The following AATK variants were observed in gnomAD, a reference collection of about 807,000 sequenced individuals.
The protein encoded by AATK is serine/threonine-protein kinase LMTK1.
A neutral mutation model predicts 114.3 loss-of-function variants in AATK; 91 were observed. The observed-to-expected ratio is 0.80, with a 90% CI of 0.67 to 0.95. The LOEUF (loss-of-function observed/expected upper bound fraction) is 0.95, where lower values mean the gene tolerates loss of function less well. Among genes scored for constraint, AATK ranks in the 40% least tolerant of loss-of-function variants. AATK has a pLI of 0.00. For missense variants in AATK, 2,176 were observed against 1,965.2 expected (o/e 1.11, Z -2.03); for synonymous variants, 1,075 against 916.5 (o/e 1.17, Z -3.12).
At chr17:81,156,513 T>C (rs2061369170) in intron 1 of AATK, among the ~76,000 whole-genome samples, 1 of 152,196 alleles carries the variant, frequency 6.6e-6, no homozygotes, top group African/African-American at 2.4e-5. Flanking sequence ...TTCTCCTGCC[T>C]CAGCCTCCCG....
intron 1 of AATK, among the ~76,000 whole-genome samples, chr17:81,165,262 G>T (rs1394983657): frequency 6.6e-6 from 1 of 152,212 alleles, no homozygotes; most frequent in African/African-American, 2.4e-5. Flanking sequence ...CCACAGCCAG[G>T]AGGCCAGGCA....
intron 13 of AATK, among the ~76,000 whole-genome samples, chr17:81,119,105 G>A (rs1164190500): frequency 6.6e-6 from 1 of 152,072 alleles, no homozygotes; most frequent in African/African-American, 2.4e-5. Context: ...GTAGGGTCAG[G>A]CAGAGGAGAG....
At chr17:81,123,718 AG>A (rs1483355343) in intron 9 of AATK, among the ~76,000 whole-genome samples, 1 of 30,198 alleles carries the variant, frequency 3.3e-5, no homozygotes, top group Admixed American at 4.3e-4. Context: ...CCGCACCAGC[AG>A]GGGGCTGAGG....
chr17:81,159,575 C>T (rs1045093012), intron 1 of AATK, among the ~76,000 whole-genome samples: 11 of 152,156 alleles, frequency 7.2e-5, no homozygotes, highest in Non-Finnish European at 1.0e-4. Context: ...CAAGCCCCAC[C>T]GGCTGCAGAA....
At chr17:81,148,064 C>CAAAAAAAAAA (rs35731140) in intron 1 of AATK, among the ~76,000 whole-genome samples, 19 of 101,814 alleles carry the variant, frequency 1.9e-4, no homozygotes, top group South Asian at 3.8e-4. Context: ...ACAACTTTGT[C>CAAAAAAAAAA]AAAAAAAAAA....
intron 1 of AATK, among the ~76,000 whole-genome samples, chr17:81,156,035 T>C (rs760772817): frequency 5.3e-5 from 8 of 152,210 alleles, no homozygotes; most frequent in Non-Finnish European, 1.2e-4. Flanking sequence ...CCTGAGGGTT[T>C]CCGCAACAAT....
At position 81,144,600 on chromosome 17, in the gene AATK, C is replaced by T. The variant is rs529506491; in HGVS notation, c.56-10099G>A. Among the ~76,000 whole-genome samples the T allele has an allele frequency of 2.6e-5, 4 of 152,374 alleles. No homozygotes were observed. The East Asian group carries it at 5.8e-4, about 22-fold the overall frequency. Reference sequence around the variant, plus strand: ...CCACCCACTCTCAGTGCCGCACCCCCGGCCATTCACATTTCCAGCGTGGGA... The same window carrying T: ...CCACCCACTCTCAGTGCCGCACCCCTGGCCATTCACATTTCCAGCGTGGGA... On this transcript the variant is annotated intron_variant, in intron 1 of 13. Transcript: ENST00000326724.
intron 10 of AATK, 103 bp downstream of exon 10, chr17:81,123,091 G>A: frequency 3.1e-6 from 4 of 1,282,394 alleles, no homozygotes; most frequent in East Asian, 6.1e-5. Context: ...GGGAGACCAG[G>A]CAGGGCTGGA....
intron 1 of AATK, chr17:81,160,142 G>GTCCC (rs2061413046): frequency 1.7e-6 from 1 of 573,306 alleles, no homozygotes; most frequent in Admixed American, 6.3e-5. Flanking sequence ...CGCTGGCAGG[G>GTCCC]TCCCTGCAGG....
At chr17:81,150,690 C>T (rs1049876617) in intron 1 of AATK, among the ~76,000 whole-genome samples, 3 of 152,180 alleles carry the variant, frequency 2.0e-5, no homozygotes, top group Non-Finnish European at 2.9e-5. Flanking sequence ...TGGAAAGGTG[C>T]GGCACAAGGG....
Position 81,166,058 on chromosome 17 carries a change from C to A in AATK, c.-66G>T. 1 of 1,173,438 alleles carries A rather than the reference C, an allele frequency of 8.5e-7. No individual in the cohort carries two copies. Among genetic ancestry groups the A allele is most frequent in the South Asian group, 2.9e-5 (1 of 34,494 alleles). The allele number at this position is 1,173,438 out of a possible 1,614,324, so 72.7% of individuals were successfully genotyped here. On this transcript the variant is annotated 5_prime_UTR_variant, in exon 1 of 14. Coordinates refer to ENST00000326724, the MANE Select transcript of AATK (RefSeq NM_001080395.3). ...CGCTCAGGACGCCCGCGGCCCCGGCCCGAGCCGCCGCATCACCCAGCGGCC... is the reference window on the plus strand; with the variant it reads ...CGCTCAGGACGCCCGCGGCCCCGGCACGAGCCGCCGCATCACCCAGCGGCC...
In AATK at chr17:81,120,300, C is replaced by G. The variant is rs1387690021; in HGVS notation, c.3636G>C (p.Lys1212Asn). Residue 1212 changes from lysine (K) to asparagine (N), a missense_variant, in exon 11 of 14, where the codon AAG becomes AAC. Lys to Asn is a moderately conservative substitution (Grantham distance 94). Around this residue, in one of 4 missense-constraint regions of AATK, gnomAD observed 1,701 missense variants for 1,394.7 expected, o/e 1.22. Transcript: ENST00000326724. ...AGGTCTCGGACAGCAGGCTGGGCAT[C>G]TTGAGCAGGCTGCGCAGGTTGCGCG... ...QSARNLRSLL[K>N]MPSLLSETFC... 2 of 1,610,074 alleles carry G rather than the reference C, an allele frequency of 1.2e-6. No homozygotes were observed. The highest frequency in any genetic ancestry group is 1.7e-5 in the Admixed American group (1 of 59,996).
rs2061488363 is a variant in AATK, at chr17:81,166,136, C to T, written c.-144G>A. The T allele has an allele frequency of 3.3e-6, 1 of 301,242 alleles. No individual in the cohort carries two copies. Among genetic ancestry groups the T allele is most frequent in the Non-Finnish European group, 4.8e-6 (1 of 210,310 alleles). 18.7% of individuals were successfully genotyped at this position (301,242 alleles called of 1,614,324 possible). A position where few individuals can be genotyped will look rare whatever the true frequency, so the allele number is the denominator to read the frequency against. On this transcript the variant is annotated 5_prime_UTR_variant, in exon 1 of 14. Coordinates refer to ENST00000326724, the MANE Select transcript of AATK (RefSeq NM_001080395.3). ...CGCGCCCCGCGCCCCCCGCCGCAGC[C>T]GCAGAGCCCGCACCGGTGGGGGCGG... is the stretch of plus-strand genomic sequence containing the variant.
At chr17:81,164,823 G>A (rs1439125536) in intron 1 of AATK, among the ~76,000 whole-genome samples, 1 of 152,126 alleles carries the variant, frequency 6.6e-6, no homozygotes. Context: ...GAGCCCCAGG[G>A]GTCACTACAG....
At chr17:81,138,387 G>A (rs889384279) in intron 1 of AATK, among the ~76,000 whole-genome samples, 5 of 130,092 alleles carry the variant, frequency 3.8e-5, no homozygotes, top group East Asian at 2.4e-4. Flanking sequence ...ACGGGCACAC[G>A]TGCACACACA....
rs2060690310 is a variant in AATK at position 81,120,861 on chromosome 17, C to G, written c.3075G>C (p.Leu1025=). 2 of 1,578,750 alleles carry G rather than the reference C, an allele frequency of 1.3e-6. No individual in the cohort carries two copies. The highest frequency in any genetic ancestry group is 1.7e-6 in the Non-Finnish European group (2 of 1,162,490). Residue 1025 remains leucine (L), a synonymous_variant, in exon 11 of 14, where the codon CTG becomes CTC. Transcript: ENST00000326724. ...ACGGCTGCCCAGTGCTCGGCAGGCC[C>G]AGCTCTGGCCCGGGGGCTCGGTCCC... ...CGGDRAPGPE[L]GLPSTGQPSE... is the part of the protein sequence containing the mutation.
intron 1 of AATK, among the ~76,000 whole-genome samples, chr17:81,137,229 G>C (rs1199398292): frequency 6.6e-6 from 1 of 150,446 alleles, no homozygotes; most frequent in African/African-American, 2.5e-5. Context: ...TTGCACTCCA[G>C]CCTGGGTGAC....
At chr17:81,124,576 C>T in intron 9 of AATK, 151 bp downstream of exon 9, 2 of 1,386,546 alleles carry the variant, frequency 1.4e-6, no homozygotes. Context: ...GTGGGGTCGC[C>T]ACCCAACCAG....
chr17:81,126,462 G>T lies in AATK; in HGVS notation c.720C>A (p.Gly240=). ...LQRMACEVAC[G]VLHLHRNNFV... is the part of the protein sequence containing the mutation. ...AATTGTTGCGATGAAGGTGCAGGAC[G>T]CCACAGGCCACCTCACAGGCCATGC... Residue 240 remains glycine (G), a synonymous_variant, in exon 7 of 14, where the codon GGC becomes GGA. Coordinates refer to ENST00000326724, the MANE Select transcript of AATK (RefSeq NM_001080395.3). This position sits in a 1 kb window ranked among gnomAD's most constrained non-coding sequence, Gnocchi z 5.1. 1 of 1,559,362 alleles carries T rather than the reference G, an allele frequency of 6.4e-7. No individual in the cohort carries two copies. Among genetic ancestry groups the T allele is most frequent in the Non-Finnish European group, 8.7e-7 (1 of 1,151,816 alleles).
Sources: allele counts gnomAD v4.1 joint callset (sites outside exome capture counted in the v4.1 genomes callset), GRCh38; gene constraint gnomAD v4.1.1; regional missense constraint gnomAD v4.1.1; non-coding constraint Gnocchi (gnomAD v3.1); transcripts MANE v1.5; gene names NCBI Gene and HGNC (gene_info 2026-07-23, HGNC 2026-07-21).